The following ALDH1A2 variants were observed in gnomAD, a reference collection of about 807,000 sequenced individuals.
ALDH1A2 encodes aldehyde dehydrogenase 1 family member A2.
A neutral mutation model predicts 60.3 loss-of-function variants in ALDH1A2; 27 were observed. The observed-to-expected ratio is 0.45, with a 90% CI of 0.33 to 0.62. The LOEUF is 0.62. Among genes scored for constraint, ALDH1A2 ranks in the 20% least tolerant of loss-of-function variants. The pLI is 0.02. For synonymous variants in ALDH1A2, 289 were observed against 232.4 expected (o/e 1.24, Z -2.21); for missense variants, 581 against 643.8 (o/e 0.90, Z 1.06).
At chr15:58,057,657 T>C (rs533478443) in intron 1 of ALDH1A2, among the ~76,000 whole-genome samples, 6 of 152,318 alleles carry the variant, frequency 3.9e-5, no homozygotes, top group South Asian at 2.1e-4. Context: ...CTCTATCTTC[T>C]GAATCCTCAT....
At chr15:58,027,583 G>T (rs773611873) in intron 1 of ALDH1A2, among the ~76,000 whole-genome samples, 57 of 151,912 alleles carry the variant, frequency 3.8e-4, no homozygotes, top group Non-Finnish European at 7.1e-4. Flanking sequence ...TCAGAAGGTC[G>T]GTAATAACAA....
chr15:57,980,100 C>T (rs372436841), intron 7 of ALDH1A2: 17 of 299,038 alleles, frequency 5.7e-5, no homozygotes, highest in East Asian at 2.8e-4. Context: ...ACGCCATACA[C>T]GGTCATGCCC....
chr15:57,991,723 T>C (rs1365096690), intron 7 of ALDH1A2: 10 of 152,238 alleles, frequency 6.6e-5, no homozygotes, highest in Admixed American at 6.5e-4. Context: ...TTATTAACAT[T>C]AATTTCACGT....
At chr15:57,971,898 T>A (rs1386516538) in intron 7 of ALDH1A2, among the ~76,000 whole-genome samples, 1 of 152,082 alleles carries the variant, frequency 6.6e-6, no homozygotes, top group African/African-American at 2.4e-5. Context: ...TAATTTATTT[T>A]TTATTTTTTT....
intron 7 of ALDH1A2, among the ~76,000 whole-genome samples, chr15:57,975,946 C>G (rs1894240498): frequency 2.0e-5 from 3 of 152,024 alleles, no homozygotes; most frequent in African/African-American, 7.3e-5. Flanking sequence ...ATGGCCAAGA[C>G]TTATCAAATT....
intron 1 of ALDH1A2, among the ~76,000 whole-genome samples, chr15:58,028,007 T>G (rs181633635): frequency 1.5e-4 from 23 of 152,156 alleles, no homozygotes; most frequent in Non-Finnish European, 2.9e-4. Flanking sequence ...TTCCCCAACC[T>G]AGCAAGGCAG....
chr15:58,014,050 G>C, intron 2 of ALDH1A2, 52 bp from the exon 3 acceptor site: 3 of 1,613,988 alleles, frequency 1.9e-6, no homozygotes, highest in Non-Finnish European at 2.5e-6. Context: ...AATAAAGGAA[G>C]AACCATCCAC....
rs4646613 is a variant in ALDH1A2, at chr15:57,972,792, T to C, written c.799-6965A>G. On this transcript the variant is annotated intron_variant, in intron 7 of 12. Coordinates refer to ENST00000249750, the MANE Select transcript of ALDH1A2 (RefSeq NM_003888.4). ...TGACATTCAAACTGGTATTTTTAAATAAAATACTGAATGATTCACGAATGG... is the reference window on the plus strand; with the variant it reads ...TGACATTCAAACTGGTATTTTTAAACAAAATACTGAATGATTCACGAATGG... Among the ~76,000 whole-genome samples the C allele has an allele frequency of 3.8e-3, 582 of 152,266 alleles. 15 individuals are homozygous for C. In the East Asian group the frequency reaches 0.058, roughly 15 times the overall value.
At chr15:58,027,364 T>A (rs368805387) in intron 1 of ALDH1A2, among the ~76,000 whole-genome samples, 2 of 151,974 alleles carry the variant, frequency 1.3e-5, no homozygotes, top group South Asian at 4.2e-4. Context: ...AAAAACGACA[T>A]CCACACCAAA....
intron 4 of ALDH1A2, among the ~76,000 whole-genome samples, chr15:58,003,101 G>GT (rs1566944943): frequency 6.6e-6 from 1 of 151,818 alleles, no homozygotes; most frequent in African/African-American, 2.4e-5. Context: ...CTACATGATC[G>GT]TAACAAAAGT....
chr15:57,994,016 C>A (rs1894975359), intron 5 of ALDH1A2, among the ~76,000 whole-genome samples: 1 of 152,196 alleles, frequency 6.6e-6, no homozygotes, highest in South Asian at 2.1e-4. Flanking sequence ...TTAATTCCAT[C>A]TACAGTGTAT....
chr15:57,970,970 T>A (rs1309721871), intron 7 of ALDH1A2, among the ~76,000 whole-genome samples: 1 of 152,224 alleles, frequency 6.6e-6, no homozygotes, highest in African/African-American at 2.4e-5. Context: ...GCCAAATTAA[T>A]CTGTCCAGAT....
At chr15:58,000,354 A>G (rs1257994062) in intron 4 of ALDH1A2, among the ~76,000 whole-genome samples, 1 of 151,950 alleles carries the variant, frequency 6.6e-6, no homozygotes, top group Non-Finnish European at 1.5e-5. Context: ...GCACCCCAGA[A>G]GTCATTCACA....
chr15:58,004,342 A>T (rs1402593558), intron 4 of ALDH1A2, among the ~76,000 whole-genome samples: 1 of 151,888 alleles, frequency 6.6e-6, no homozygotes, highest in Non-Finnish European at 1.5e-5. Flanking sequence ...TTTCAAATAG[A>T]TTCAACGGGT....
chr15:57,996,431 T>A (rs1266646836), intron 4 of ALDH1A2, among the ~76,000 whole-genome samples: 1 of 151,794 alleles, frequency 6.6e-6, no homozygotes, highest in African/African-American at 2.4e-5. Flanking sequence ...CAAGTATTTA[T>A]AGGATCCTTT....
intron 12 of ALDH1A2, among the ~76,000 whole-genome samples, chr15:57,960,400 G>GTTCTTTTCCTGGA (rs1283566519): frequency 1.3e-5 from 2 of 152,166 alleles, no homozygotes; most frequent in African/African-American, 4.8e-5. Context: ...GGGAAAGTGG[G>GTTCTTTTCCTGGA]TTCTTTTCCT....
At chr15:58,049,212 G>C (rs1261246124) in intron 1 of ALDH1A2, among the ~76,000 whole-genome samples, 2 of 152,012 alleles carry the variant, frequency 1.3e-5, no homozygotes, top group African/African-American at 2.4e-5. Flanking sequence ...TTTAACCACA[G>C]AAATTTGATG....
intron 12 of ALDH1A2, among the ~76,000 whole-genome samples, chr15:57,958,993 G>C (rs1893633652): frequency 6.6e-6 from 1 of 152,154 alleles, no homozygotes; most frequent in African/African-American, 2.4e-5. Flanking sequence ...ATGAGGTTCA[G>C]ATAGAGCCAA....
At chr15:58,035,649 T>G (rs758701547) in intron 1 of ALDH1A2, among the ~76,000 whole-genome samples, 15 of 151,718 alleles carry the variant, frequency 9.9e-5, no homozygotes, top group Admixed American at 3.3e-4. Context: ...TAATTTCTCT[T>G]GAGACTTACT....
Sources: allele counts gnomAD v4.1 joint callset (sites outside exome capture counted in the v4.1 genomes callset), GRCh38; gene constraint gnomAD v4.1.1; transcripts MANE v1.5; gene names NCBI Gene and HGNC (gene_info 2026-07-23, HGNC 2026-07-21).